Variants in SCLT1 observed in about 807,000 individuals in gnomAD.
SCLT1 encodes the protein sodium channel and clathrin linker 1, also known as sodium channel-associated protein 1.
Under a neutral mutation model 112.8 loss-of-function variants are expected in SCLT1, and 78 were observed. The observed-to-expected ratio is 0.69, with a 90% CI of 0.58 to 0.83. The LOEUF is 0.83. Among genes scored for constraint, SCLT1 ranks in the 40% least tolerant of loss-of-function variants. SCLT1 has a pLI of 0.00. For synonymous variants in SCLT1, 257 were observed against 254.7 expected (o/e 1.01, Z -0.09); for missense variants, 747 against 770.4 (o/e 0.97, Z 0.36).
chr4:129,030,672 T>C (rs1046295086), intron 5 of SCLT1, among the ~76,000 whole-genome samples: 3 of 152,050 alleles, frequency 2.0e-5, no homozygotes, highest in African/African-American at 7.2e-5. Flanking sequence ...CATTAGAAAA[T>C]ACTCTAAATA....
intron 1 of SCLT1, among the ~76,000 whole-genome samples, chr4:129,091,191 A>T (rs148317678): frequency 6.6e-6 from 1 of 152,262 alleles, no homozygotes; most frequent in East Asian, 1.9e-4. Flanking sequence ...AGAAAAAAGG[A>T]GAGCGACACA....
intron 18 of SCLT1, among the ~76,000 whole-genome samples, chr4:128,908,261 T>C (rs1269569887): frequency 6.6e-6 from 1 of 152,148 alleles, no homozygotes; most frequent in East Asian, 1.9e-4. Flanking sequence ...TAACATAGCA[T>C]GTGCCAGATG....
chr4:128,967,754 T>G (rs1560905478), intron 10 of SCLT1, among the ~76,000 whole-genome samples: 1 of 152,214 alleles, frequency 6.6e-6, no homozygotes, highest in Admixed American at 6.5e-5. Context: ...ATTACACCTT[T>G]GTCAGATGCA....
chr4:128,913,407 C>T (rs1013170154), intron 18 of SCLT1, among the ~76,000 whole-genome samples: 3 of 152,022 alleles, frequency 2.0e-5, no homozygotes, highest in Admixed American at 6.5e-5. Context: ...AAGTTATTGC[C>T]TAAAAGGGAT....
Position 128,975,040 on chromosome 4 carries a change from C to CTTT in SCLT1, c.687-4575_687-4573dup, listed in dbSNP as rs34603915. The stretch of plus-strand genomic sequence containing the variant: ...GATATTAAACAGATTTGAATGACAA[C>CTTT]TTTTTTTTTTTTTTTTGAGATGGAG... On this transcript the variant is annotated intron_variant, in intron 9 of 20. Transcript: ENST00000281142. Among the ~76,000 whole-genome samples the CTTT allele has an allele frequency of 1.2e-3, 107 of 87,040 alleles. 23 individuals are homozygous for CTTT. The highest frequency in any genetic ancestry group is 4.4e-3 in the African/African-American group (82 of 18,514). The allele number at this position is 87,040 out of a possible 152,430, so 57.1% of individuals were successfully genotyped here.
At chr4:128,956,991 A>C (rs1233380478) in intron 13 of SCLT1, 35 bp downstream of exon 13, 1 of 1,211,542 alleles carries the variant, frequency 8.3e-7, no homozygotes, top group East Asian at 2.4e-5. Flanking sequence ...TTGTGACTTA[A>C]ATTCTGAATT....
In SCLT1 at chr4:128,945,048, C is replaced by T. The variant is rs529714826; in HGVS notation, c.1439+959G>A. 4.6e-5 allele frequency: 7 copies of T among 152,162 alleles called. No individual in the cohort carries two copies. The South Asian group carries it at 1.5e-3, about 32-fold the overall frequency. 9.4% of individuals were successfully genotyped at this position (152,162 alleles called of 1,614,324 possible). On this transcript the variant is annotated intron_variant, in intron 16 of 20. Transcript: ENST00000281142. ...CTCGCACCTTATTCTATGTTTACAC[C>T]CTTTAGGAAATATGTGAGAGTTCAC...
At chr4:129,004,827 CA>C (rs59125232) in intron 5 of SCLT1, among the ~76,000 whole-genome samples, 5 of 151,256 alleles carry the variant, frequency 3.3e-5, no homozygotes, top group South Asian at 2.1e-4. Context: ...ACTTTAGAAA[CA>C]AAAAAATTAA....
chr4:128,951,933 T>A (rs1738783314), intron 14 of SCLT1, among the ~76,000 whole-genome samples: 1 of 152,162 alleles, frequency 6.6e-6, no homozygotes. Context: ...GAAAATGTGA[T>A]CCCTCTTTCA....
chr4:128,898,060 G>A (rs1269901531), intron 18 of SCLT1, among the ~76,000 whole-genome samples: 17 of 151,856 alleles, frequency 1.1e-4, no homozygotes, highest in African/African-American at 3.4e-4. Context: ...TTAGACTCCC[G>A]CACAATAATA....
downstream of SCLT1, among the ~76,000 whole-genome samples, chr4:128,883,448 C>T (rs1732692898): frequency 1.3e-5 from 2 of 152,000 alleles, no homozygotes; most frequent in African/African-American, 4.8e-5. Context: ...GGAGAAATAC[C>T]TAACGTAGAT....
rs35732875 is a variant in SCLT1, at chr4:128,957,110, C to T, written c.1062G>A (p.Glu354=). 1.9e-6 allele frequency: 3 copies of T among 1,586,860 alleles called. No homozygotes were observed. The highest frequency in any genetic ancestry group is 1.1e-5 in the South Asian group (1 of 88,228). ...TCTCTATGTCTTCTTCTTTTTGCTT[C>T]TCCTCAAGTAGAGCCTTCAGAAAAT... ...NLQKSQALLE[E]KQKEEDIEKM... is the part of the protein sequence containing the mutation. Residue 354 remains glutamate (E), a synonymous_variant, in exon 13 of 21, where the codon GAG becomes GAA. Coordinates refer to ENST00000281142, the MANE Select transcript of SCLT1 (RefSeq NM_144643.4).
At chr4:129,052,587 T>A (rs1748910907) in intron 2 of SCLT1, among the ~76,000 whole-genome samples, 1 of 152,126 alleles carries the variant, frequency 6.6e-6, no homozygotes, top group Non-Finnish European at 1.5e-5. Flanking sequence ...CCCTTTATCA[T>A]TTTTTATTGT....
chr4:128,951,448 T>C (rs1738726011), intron 14 of SCLT1, among the ~76,000 whole-genome samples: 1 of 152,180 alleles, frequency 6.6e-6, no homozygotes, highest in Non-Finnish European at 1.5e-5. Flanking sequence ...TCATTCTTTT[T>C]ACTCTAAAGT....
At chr4:129,025,269 G>A (rs1745935390) in intron 5 of SCLT1, among the ~76,000 whole-genome samples, 1 of 152,170 alleles carries the variant, frequency 6.6e-6, no homozygotes, top group South Asian at 2.1e-4. Context: ...AAGTGGAAAT[G>A]AAGGAAAAAA....
chr4:129,080,391 G>C (rs1751832992), intron 2 of SCLT1, among the ~76,000 whole-genome samples: 2 of 152,168 alleles, frequency 1.3e-5, no homozygotes, highest in South Asian at 4.1e-4. Flanking sequence ...GCTACATCTT[G>C]AGTGCTTTCT....
At chr4:129,028,340 T>C (rs1374316936) in intron 5 of SCLT1, among the ~76,000 whole-genome samples, 1 of 152,036 alleles carries the variant, frequency 6.6e-6, no homozygotes, top group African/African-American at 2.4e-5. Context: ...TATAGATCAA[T>C]GGAACAGAAC....
intron 16 of SCLT1, among the ~76,000 whole-genome samples, chr4:128,943,735 G>T (rs1198335455): frequency 6.6e-6 from 1 of 151,916 alleles, no homozygotes; most frequent in African/African-American, 2.4e-5. Flanking sequence ...CTCAACAATG[G>T]ACCACTGATC....
At chr4:129,047,508 C>A (rs1294504511) in intron 2 of SCLT1, among the ~76,000 whole-genome samples, 1 of 152,018 alleles carries the variant, frequency 6.6e-6, no homozygotes, top group Non-Finnish European at 1.5e-5. Flanking sequence ...TGTCCCTTTT[C>A]ATATAAATTT....
Sources: allele counts gnomAD v4.1 joint callset (sites outside exome capture counted in the v4.1 genomes callset), GRCh38; gene constraint gnomAD v4.1.1; transcripts MANE v1.5; gene names NCBI Gene and HGNC (gene_info 2026-07-23, HGNC 2026-07-21).